Variants in ANKS6 observed in about 807,000 individuals in gnomAD.
ANKS6 encodes the protein ankyrin repeat and sterile alpha motif domain containing 6, also known as ankyrin repeat and SAM domain-containing protein 6.
A neutral mutation model predicts 77.9 loss-of-function variants in ANKS6; 47 were observed. The observed-to-expected ratio is 0.60, with a 90% CI of 0.48 to 0.77. The LOEUF is 0.77. ANKS6 is among the 30% of genes least tolerant of loss of function. The pLI, the probability that ANKS6 is intolerant of heterozygous loss-of-function variation, is 0.00. For synonymous variants in ANKS6, 488 were observed against 501.7 expected (o/e 0.97, Z 0.37); for missense variants, 1,150 against 1,159.1 (o/e 0.99, Z 0.11).
intron 14 of ANKS6, among the ~76,000 whole-genome samples, chr9:98,737,251 G>A (rs1287088294): frequency 3.9e-5 from 6 of 152,180 alleles, no homozygotes; most frequent in African/African-American, 9.7e-5. Flanking sequence ...CAGAGACTGC[G>A]TCCTAGCCAG....
In ANKS6 at chr9:98,735,853, G is replaced by A; in HGVS notation, c.*666C>T. ...GCAGCAGGTGCAGTGGAATGCTACA[G>A]CAGTCACATACACAGCACTAAGGGA... On this transcript the variant is annotated 3_prime_UTR_variant, in exon 15 of 15. Transcript: ENST00000353234. 1 of 1,231,754 alleles carries A rather than the reference G, an allele frequency of 8.1e-7. No individual in the cohort carries two copies. The highest frequency in any genetic ancestry group is 1.5e-5 in the African/African-American group (1 of 64,538). 76.3% of individuals were successfully genotyped at this position (1,231,754 alleles called of 1,614,324 possible). A position where few individuals can be genotyped will look rare whatever the true frequency, so the allele number is the denominator to read the frequency against.
At chr9:98,745,920 A>T (rs925805435) in intron 13 of ANKS6, 12 of 463,270 alleles carry the variant, frequency 2.6e-5, no homozygotes, top group African/African-American at 2.3e-4. Flanking sequence ...CCTTAAAATG[A>T]GCCAGGTAAG....
chr9:98,739,310 C>A (rs908939652), intron 14 of ANKS6, among the ~76,000 whole-genome samples: 7 of 152,152 alleles, frequency 4.6e-5, no homozygotes, highest in Admixed American at 4.6e-4. Flanking sequence ...ACAACAACAA[C>A]AACGAATAGA....
Position 98,736,587 on chromosome 9 carries a change from T to A in ANKS6, c.2548A>T (p.Asn850Tyr), listed in dbSNP as rs769529912. 1.2e-6 allele frequency: 2 copies of A among 1,613,302 alleles called. No homozygotes were observed. Among genetic ancestry groups the A allele is most frequent in the African/African-American group, 2.7e-5 (2 of 74,892 alleles). ...ERQILQETIH[N>Y]FHSSFESSAS... Reference sequence around the variant, plus strand: ...CTGCTCTCAAAGGAAGAGTGAAAGTTGTGAATGGTTTCCTGTAAAATTTGT... The same window carrying A: ...CTGCTCTCAAAGGAAGAGTGAAAGTAGTGAATGGTTTCCTGTAAAATTTGT... The change falls in exon 15 of 15, where the codon AAC becomes TAC. Residue 850 changes from asparagine to tyrosine, a missense_variant. By Grantham distance (143) the Asn-to-Tyr change is moderately radical. Transcript: ENST00000353234.
intron 13 of ANKS6, among the ~76,000 whole-genome samples, chr9:98,747,175 T>C (rs977379611): frequency 1.3e-5 from 2 of 152,274 alleles, no homozygotes; most frequent in African/African-American, 4.8e-5. Flanking sequence ...CTACTGTCAT[T>C]TAAAATAAAA....
At chr9:98,765,044 T>C (rs1236812474) in intron 11 of ANKS6, among the ~76,000 whole-genome samples, 1 of 152,206 alleles carries the variant, frequency 6.6e-6, no homozygotes, top group African/African-American at 2.4e-5. Context: ...ATTATATGCC[T>C]GAGTGGAAAA....
Position 98,736,453 on chromosome 9 carries a change from GGCTGT to G in ANKS6, c.*61_*65del. ...AGCAGTGTGACGGGGGCAGGGCTGG[GGCTGT>G]GGCCACGTGAAGGGGTCCCGGGATT... On this transcript the variant is annotated 3_prime_UTR_variant, in exon 15 of 15. Coordinates refer to ENST00000353234, the MANE Select transcript of ANKS6 (RefSeq NM_173551.5). The G allele has an allele frequency of 6.6e-7, 1 of 1,521,382 alleles. No individual in the cohort carries two copies. The highest frequency in any genetic ancestry group is 8.8e-7 in the Non-Finnish European group (1 of 1,132,554). 94.2% of individuals were successfully genotyped at this position (1,521,382 alleles called of 1,614,324 possible). A position where few individuals can be genotyped will look rare whatever the true frequency, so the allele number is the denominator to read the frequency against.
intron 14 of ANKS6, among the ~76,000 whole-genome samples, chr9:98,740,642 G>A (rs748416041): frequency 4.6e-5 from 7 of 152,116 alleles, no homozygotes; most frequent in East Asian, 3.8e-4. Flanking sequence ...ACAGGGTTCC[G>A]GCCCTCGCTG....
At chr9:98,765,168 C>T (rs1833201715) in intron 11 of ANKS6, among the ~76,000 whole-genome samples, 1 of 152,142 alleles carries the variant, frequency 6.6e-6, no homozygotes, top group Non-Finnish European at 1.5e-5. Flanking sequence ...AATAGAATCT[C>T]TGATAAAGCA....
chr9:98,756,682 G>A, intron 11 of ANKS6, 79 bp from the exon 12 acceptor site: 1 of 1,202,202 alleles, frequency 8.3e-7, no homozygotes, highest in African/African-American at 1.6e-5. Context: ...CCACAACAGG[G>A]AACATGGGTG....
chr9:98,760,379 AGGC>A (rs1391122146), intron 11 of ANKS6, among the ~76,000 whole-genome samples: 2 of 152,006 alleles, frequency 1.3e-5, no homozygotes, highest in Non-Finnish European at 2.9e-5. Flanking sequence ...GTAGAGTGAA[AGGC>A]TCAACCCTCT....
rs948929577 is a variant in ANKS6 at position 98,734,122 on chromosome 9, G to A, written c.*2397C>T. On this transcript the variant is annotated 3_prime_UTR_variant, in exon 15 of 15. Transcript: ENST00000353234. ...CCTTTCTCTTCCCTGCCTACCAGCC[G>A]CATCCAAACATCCCCAGAAAGGGTG... 51 of 985,332 alleles carry A rather than the reference G, an allele frequency of 5.2e-5. No homozygotes were observed. The highest frequency in any genetic ancestry group is 5.5e-5 in the Non-Finnish European group (46 of 830,014). 61.0% of individuals were successfully genotyped at this position (985,332 alleles called of 1,614,324 possible).
At chr9:98,768,486 A>C (rs753411154) in intron 10 of ANKS6, among the ~76,000 whole-genome samples, 4 of 152,194 alleles carry the variant, frequency 2.6e-5, no homozygotes, top group Non-Finnish European at 5.9e-5. Context: ...AAGCAGCAGC[A>C]AAGGCAAAAC....
intron 12 of ANKS6, among the ~76,000 whole-genome samples, chr9:98,751,801 G>A (rs1056956079): frequency 6.6e-6 from 1 of 152,232 alleles, no homozygotes; most frequent in South Asian, 2.1e-4. Flanking sequence ...GCTGACAGAG[G>A]CCGGGCAGGT....
Position 98,736,473 on chromosome 9 carries a change from G to A in ANKS6, c.*46C>T. On this transcript the variant is annotated 3_prime_UTR_variant, in exon 15 of 15. Coordinates refer to ENST00000353234, the MANE Select transcript of ANKS6 (RefSeq NM_173551.5). Reference sequence around the variant, plus strand: ...GCTGGGGCTGTGGCCACGTGAAGGGGTCCCGGGATTCAGAGAGCTCACGCT... The same window carrying A: ...GCTGGGGCTGTGGCCACGTGAAGGGATCCCGGGATTCAGAGAGCTCACGCT... The A allele has an allele frequency of 6.4e-7, 1 of 1,558,424 alleles. No homozygotes were observed. The highest frequency in any genetic ancestry group is 8.7e-7 in the Non-Finnish European group (1 of 1,150,142).
At chr9:98,792,405 A>T (rs1209621623) in intron 1 of ANKS6, among the ~76,000 whole-genome samples, 1 of 152,160 alleles carries the variant, frequency 6.6e-6, no homozygotes, top group Non-Finnish European at 1.5e-5. Flanking sequence ...CAAGGACAGG[A>T]CAGGGTTCCA....
At chr9:98,778,452 A>G (rs766796153) in intron 6 of ANKS6, 28 bp from the exon 7 acceptor site, 19 of 1,608,734 alleles carry the variant, frequency 1.2e-5, no homozygotes, top group Middle Eastern at 1.7e-4. Flanking sequence ...AGCAGAAGTC[A>G]TGCTCCAGGA....
intron 13 of ANKS6, among the ~76,000 whole-genome samples, chr9:98,747,575 A>C (rs563361961): frequency 1.4e-3 from 210 of 152,162 alleles, no homozygotes; most frequent in African/African-American, 4.9e-3. Context: ...ATGCAGTCTG[A>C]ATGGAAACCA....
chr9:98,759,037 G>A (rs1425059980), intron 11 of ANKS6, among the ~76,000 whole-genome samples: 1 of 151,808 alleles, frequency 6.6e-6, no homozygotes, highest in Non-Finnish European at 1.5e-5. Context: ...TCTATCTTTG[G>A]TTCCTGGTTG....
Sources: allele counts gnomAD v4.1 joint callset (sites outside exome capture counted in the v4.1 genomes callset), GRCh38; gene constraint gnomAD v4.1.1; transcripts MANE v1.5; gene names NCBI Gene and HGNC (gene_info 2026-07-23, HGNC 2026-07-21).